The following POGLUT3 variants were observed in gnomAD, a reference collection of about 807,000 sequenced individuals.
POGLUT3 encodes the protein protein O-glucosyltransferase 3.
In POGLUT3, 48 loss-of-function variants were observed where a neutral mutation model predicts 54.3. The ratio of observed to expected loss-of-function variants is 0.88; its 90% CI spans 0.70 to 1.12. POGLUT3 has a LOEUF of 1.12. POGLUT3 is among the 50% of genes most tolerant of loss of function. The pLI, the probability that POGLUT3 is intolerant of heterozygous loss-of-function variation, is 0.00. For missense variants in POGLUT3, 629 were observed against 618.7 expected (o/e 1.02, Z -0.18); for synonymous variants, 218 against 237.4 (o/e 0.92, Z 0.75).
intron 1 of POGLUT3, among the ~76,000 whole-genome samples, chr11:108,491,962 C>A (rs1377962104): frequency 6.6e-6 from 1 of 151,976 alleles, no homozygotes; most frequent in Non-Finnish European, 1.5e-5. Flanking sequence ...TATCTAATAA[C>A]CTTCATTTCT....
chr11:108,493,554 C>T (rs910188164), intron 1 of POGLUT3, among the ~76,000 whole-genome samples: 10 of 152,050 alleles, frequency 6.6e-5, no homozygotes, highest in Non-Finnish European at 8.8e-5. Flanking sequence ...GCCTGTAATC[C>T]GAGCACTTTG....
intron 2 of POGLUT3, among the ~76,000 whole-genome samples, chr11:108,487,332 C>T (rs947412085): frequency 6.6e-6 from 1 of 151,432 alleles, no homozygotes; most frequent in African/African-American, 2.4e-5. Flanking sequence ...GTAGCCTGAT[C>T]ACCTTGAGCA....
At chr11:108,487,697 C>T (rs889900826) in intron 2 of POGLUT3, among the ~76,000 whole-genome samples, 1 of 152,068 alleles carries the variant, frequency 6.6e-6, no homozygotes, top group Non-Finnish European at 1.5e-5. Context: ...CTGCAACCTC[C>T]TCCTCCCATG....
In POGLUT3 at chr11:108,472,426, A is replaced by G. The variant is rs1198288738; in HGVS notation, c.*2401T>C. The G allele has an allele frequency of 6.6e-6, 1 of 152,072 alleles. No homozygotes were observed. Among genetic ancestry groups the G allele is most frequent in the Non-Finnish European group, 1.5e-5 (1 of 68,038 alleles). The allele number at this position is 152,072 out of a possible 1,614,324, so 9.4% of individuals were successfully genotyped here. Reference sequence around the variant, plus strand: ...AATCTCCTCCCAAACTTTCAACCACATAGATGCATTTTTGTTTTCAAACCA... The same window carrying G: ...AATCTCCTCCCAAACTTTCAACCACGTAGATGCATTTTTGTTTTCAAACCA... On this transcript the variant is annotated 3_prime_UTR_variant, in exon 8 of 8. Coordinates refer to ENST00000323468, the MANE Select transcript of POGLUT3 (RefSeq NM_153705.5).
At chr11:108,485,444 C>G (rs1009116935) in intron 3 of POGLUT3, among the ~76,000 whole-genome samples, 8 of 151,998 alleles carry the variant, frequency 5.3e-5, no homozygotes, top group Non-Finnish European at 1.2e-4. Flanking sequence ...CTGCTCAACA[C>G]AGCAAGACCC....
intron 3 of POGLUT3, among the ~76,000 whole-genome samples, chr11:108,483,143 G>A (rs992252246): frequency 6.6e-6 from 1 of 152,194 alleles, no homozygotes; most frequent in African/African-American, 2.4e-5. Context: ...CTTTGTTAAT[G>A]TCACTACCAA....
chr11:108,489,574 G>GA (rs925725082), intron 2 of POGLUT3, among the ~76,000 whole-genome samples: 70 of 151,884 alleles, frequency 4.6e-4, no homozygotes, highest in African/African-American at 1.4e-3. Context: ...AGTATCAAAA[G>GA]AAAAAAAACC....
rs367899085 is a variant in POGLUT3, at chr11:108,475,463, G to GTTTTTTTTTTTTTTTTT, written c.1399-512_1399-511insAAAAAAAAAAAAAAAAA. Among the ~76,000 whole-genome samples, 3 of 109,926 alleles carry GTTTTTTTTTTTTTTTTT rather than the reference G, an allele frequency of 2.7e-5. 1 individual carries two copies. The highest frequency in any genetic ancestry group is 1.0e-4 in the Admixed American group (1 of 9,950). 72.1% of individuals were successfully genotyped at this position (109,926 alleles called of 152,430 possible). On this transcript the variant is annotated intron_variant, in intron 7 of 7. Transcript: ENST00000323468. ...TATTTCTATAAATGGAGTTTTTTTT[G>GTTTTTTTTTTTTTTTTT]TTTTTGTTTTTTTTTTTTTTTGAGA...
chr11:108,494,919 G>A (rs1773639021), intron 1 of POGLUT3, among the ~76,000 whole-genome samples: 1 of 152,064 alleles, frequency 6.6e-6, no homozygotes, highest in Non-Finnish European at 1.5e-5. Context: ...CATAATTGAA[G>A]GAAATGTTCA....
Position 108,481,394 on chromosome 11 carries a change from TA to T in POGLUT3, c.902-19del, listed in dbSNP as rs761675574. ...GGAAGGCCCTACAAGTTTGAAGCCA[TA>T]AAAAAATTAGGATTATGAATTTGAC... On this transcript the variant is annotated intron_variant, in intron 4 of 7. Coordinates refer to ENST00000323468, the MANE Select transcript of POGLUT3 (RefSeq NM_153705.5). 1.6e-5 allele frequency: 24 copies of T among 1,539,126 alleles called. No individual in the cohort carries two copies. The highest frequency in any genetic ancestry group is 2.6e-5 in the South Asian group (2 of 77,800).
chr11:108,484,710 C>T (rs1393969345), intron 3 of POGLUT3, among the ~76,000 whole-genome samples: 1 of 152,118 alleles, frequency 6.6e-6, no homozygotes, highest in Non-Finnish European at 1.5e-5. Context: ...GAGCCGAGAT[C>T]GTGCCACTGC....
intron 2 of POGLUT3, 150 bp from the exon 3 acceptor site, chr11:108,486,590 A>T (rs116877077): frequency 1.6e-5 from 12 of 747,442 alleles, no homozygotes; most frequent in Non-Finnish European, 1.7e-5. Flanking sequence ...ATTATGTTAG[A>T]GTCCTACACT....
chr11:108,488,856 C>T (rs370171427), intron 2 of POGLUT3, among the ~76,000 whole-genome samples: 5 of 152,230 alleles, frequency 3.3e-5, no homozygotes, highest in African/African-American at 1.2e-4. Flanking sequence ...CCAGAGAGAA[C>T]AGTACTTATC....
intron 3 of POGLUT3, among the ~76,000 whole-genome samples, chr11:108,483,827 C>T (rs1209301664): frequency 1.3e-5 from 2 of 152,078 alleles, no homozygotes; most frequent in African/African-American, 4.8e-5. Flanking sequence ...CACCACCACA[C>T]CCGGCTAATT....
rs1240346161 is a variant in POGLUT3, at chr11:108,474,648, GGTCCTAA to G, written c.*172_*178del. The G allele has an allele frequency of 3.9e-6, 2 of 511,848 alleles. No individual in the cohort carries two copies. The highest frequency in any genetic ancestry group is 6.6e-6 in the Non-Finnish European group (2 of 302,216). 31.7% of individuals were successfully genotyped at this position (511,848 alleles called of 1,614,324 possible). On this transcript the variant is annotated 3_prime_UTR_variant, in exon 8 of 8. Transcript: ENST00000323468. ...AAAATCTGAAGCCTGAAACACTCCT[GGTCCTAA>G]GCATTTCAGATGAGGGATACTCAAC...
rs74373286 is a variant in POGLUT3, at chr11:108,496,722, A to G, written c.202+1443T>C. The stretch of plus-strand genomic sequence containing the variant: ...AGGAGTGGTGTTCTGAATCAAATGT[A>G]GAAAACAAGCCACTGAGGTAGTTAA... On this transcript the variant is annotated intron_variant, in intron 1 of 7. Transcript: ENST00000323468. Among the ~76,000 whole-genome samples, 645 of 152,346 alleles carry G rather than the reference A, an allele frequency of 4.2e-3. 3 individuals are homozygous for G. Among genetic ancestry groups the G allele is most frequent in the African/African-American group, 0.014 (588 of 41,582 alleles).
At chr11:108,485,189 A>G (rs1029648869) in intron 3 of POGLUT3, among the ~76,000 whole-genome samples, 8 of 152,208 alleles carry the variant, frequency 5.3e-5, no homozygotes, top group African/African-American at 1.7e-4. Context: ...CTTTGACAAA[A>G]TGTCCCATGC....
At chr11:108,481,155 C>A in intron 5 of POGLUT3, 25 bp downstream of exon 5, 2 of 1,550,522 alleles carry the variant, frequency 1.3e-6, no homozygotes, top group African/African-American at 1.4e-5. Flanking sequence ...GCTTCATATC[C>A]ATAGAAGAAG....
chr11:108,488,181 G>C (rs190171638), intron 2 of POGLUT3, among the ~76,000 whole-genome samples: 5 of 151,588 alleles, frequency 3.3e-5, no homozygotes, highest in African/African-American at 1.2e-4. Context: ...TCACCACCAC[G>C]CCCAACTAAT....
Sources: allele counts gnomAD v4.1 joint callset (sites outside exome capture counted in the v4.1 genomes callset), GRCh38; gene constraint gnomAD v4.1.1; transcripts MANE v1.5; gene names NCBI Gene and HGNC (gene_info 2026-07-23, HGNC 2026-07-21).